Variants in INSYN2B observed in about 807,000 individuals in gnomAD.
INSYN2B encodes inhibitory synaptic factor family member 2B.
INSYN2B carries 16 observed loss-of-function variants against 41.2 expected under a neutral mutation model. The ratio of observed to expected loss-of-function variants is 0.39; its 90% CI spans 0.26 to 0.59. The LOEUF (loss-of-function observed/expected upper bound fraction) is 0.59. Among genes scored for constraint, INSYN2B ranks in the 20% least tolerant of loss-of-function variants. The probability of loss-of-function intolerance (pLI) is 0.57; values close to 1 mark genes in which losing one functional copy is unlikely to be tolerated. For synonymous variants in INSYN2B, 245 were observed against 244.4 expected, an observed-to-expected ratio of 1.00 and a Z score of -0.02; for missense variants, 608 against 646.4, an observed-to-expected ratio of 0.94 and a Z score of 0.64.
intron 1 of INSYN2B, among the ~76,000 whole-genome samples, chr5:169,910,443 A>T (rs1175671056): frequency 7.9e-5 from 12 of 152,096 alleles, no homozygotes; most frequent in African/African-American, 1.7e-4. Flanking sequence ...TTAACTTTTT[A>T]AAAAAAGATC....
chr5:169,956,081 G>C (rs944844151), intron 1 of INSYN2B, among the ~76,000 whole-genome samples: 1 of 151,914 alleles, frequency 6.6e-6, no homozygotes, highest in Non-Finnish European at 1.5e-5. Flanking sequence ...CTGGAGTCTG[G>C]GTTATCTTCC....
At position 169,863,951 on chromosome 5, in the gene INSYN2B, G is replaced by T. The variant is rs1771368721; in HGVS notation, c.*322C>A. ...GCTTGGCATCTTGGAGGTGTTGGAAGGTGTAGTGTGGGGTTTTGCTCGTGG... is the reference window on the plus strand; with the variant it reads ...GCTTGGCATCTTGGAGGTGTTGGAATGTGTAGTGTGGGGTTTTGCTCGTGG... On this transcript the variant is annotated 3_prime_UTR_variant, in exon 4 of 4. Coordinates refer to ENST00000377365, the MANE Select transcript of INSYN2B (RefSeq NM_001129891.3). Among the ~76,000 whole-genome samples, 2 of 152,190 alleles carry T rather than the reference G, an allele frequency of 1.3e-5. No homozygotes were observed. The highest frequency in any genetic ancestry group is 4.8e-5 in the African/African-American group (2 of 41,454).
intron 1 of INSYN2B, among the ~76,000 whole-genome samples, chr5:169,896,663 A>G (rs535251990): frequency 1.6e-4 from 24 of 151,960 alleles, no homozygotes; most frequent in African/African-American, 5.1e-4. Flanking sequence ...CAGTATCATC[A>G]TTATTATTAT....
intron 1 of INSYN2B, among the ~76,000 whole-genome samples, chr5:169,976,510 AT>A (rs1325043605): frequency 3.3e-5 from 5 of 152,002 alleles, no homozygotes; most frequent in Non-Finnish European, 7.4e-5. Context: ...AATGAATGGA[AT>A]TTTCTTTCCT....
intron 1 of INSYN2B, among the ~76,000 whole-genome samples, chr5:169,897,464 C>T (rs1773677995): frequency 6.6e-6 from 1 of 152,064 alleles, no homozygotes; most frequent in Non-Finnish European, 1.5e-5. Flanking sequence ...GCTAGGATTA[C>T]AAGTGTGAGC....
intron 1 of INSYN2B, among the ~76,000 whole-genome samples, chr5:169,966,150 C>A (rs1351011994): frequency 1.3e-5 from 2 of 152,160 alleles, no homozygotes; most frequent in East Asian, 3.9e-4. Flanking sequence ...AATATATAAT[C>A]CCATTATGGT....
rs561059508 is a variant in INSYN2B at position 169,912,300 on chromosome 5, T to A, written c.-918-27484A>T. Among the ~76,000 whole-genome samples, 8 of 152,228 alleles carry A rather than the reference T, an allele frequency of 5.3e-5. No individual in the cohort carries two copies. The South Asian group carries it at 1.7e-3, about 32-fold the overall frequency. ...ATGTCAAACTCCTGAGCCCAAGCCG[T>A]TATTTATGTTTGATTTACAAGTGTA... On this transcript the variant is annotated intron_variant, in intron 1 of 3. Transcript: ENST00000377365.
At chr5:169,973,390 G>T (rs13165483) in intron 1 of INSYN2B, among the ~76,000 whole-genome samples, 3,899 of 152,252 alleles carry the variant, frequency 0.026, 78 homozygotes, top group South Asian at 0.048. Context: ...TGGAACTGAG[G>T]CTGAGCATTG....
intron 3 of INSYN2B, among the ~76,000 whole-genome samples, chr5:169,870,567 G>T (rs261023): frequency 0.79 from 120,547 of 151,930 alleles, 48,685 homozygotes; most frequent in African/African-American, 0.93. Context: ...AGATCTGTGG[G>T]TTTTTTTCTT....
intron 3 of INSYN2B, among the ~76,000 whole-genome samples, chr5:169,876,447 G>A (rs554091450): frequency 6.6e-6 from 1 of 152,358 alleles, no homozygotes; most frequent in East Asian, 1.9e-4. Context: ...AGAGAAGGGA[G>A]ATATTTTCAC....
intron 1 of INSYN2B, among the ~76,000 whole-genome samples, chr5:169,948,001 ATTCCTCTCAGGCCT>A (rs1412050026): frequency 6.6e-6 from 1 of 152,120 alleles, no homozygotes; most frequent in African/African-American, 2.4e-5. Context: ...TGTCATTCTT[ATTCCTCTCAGGCCT>A]TTCCTCTGGG....
intron 1 of INSYN2B, among the ~76,000 whole-genome samples, chr5:169,952,682 C>T (rs1272184025): frequency 2.6e-5 from 4 of 152,114 alleles, no homozygotes; most frequent in African/African-American, 9.7e-5. Context: ...TTCCTAATCC[C>T]GTGGATATCA....
Position 169,941,298 on chromosome 5 carries a change from C to T in INSYN2B, c.-919+38979G>A, listed in dbSNP as rs187464577. Among the ~76,000 whole-genome samples, 4 of 152,294 alleles carry T rather than the reference C, an allele frequency of 2.6e-5. No individual in the cohort carries two copies. The East Asian group carries it at 5.8e-4, about 22-fold the overall frequency. On this transcript the variant is annotated intron_variant, in intron 1 of 3. Transcript: ENST00000377365. ...TCTCGGCTCACTACAACCTCTGCCT[C>T]CTGGGTTCAAGCAATTCTCCTGTCT...
At chr5:169,918,947 C>A in intron 1 of INSYN2B, among the ~76,000 whole-genome samples, 1 of 151,746 alleles carries the variant, frequency 6.6e-6, no homozygotes, top group Admixed American at 6.6e-5. Context: ...ATTTTAGGGG[C>A]CAGATATATG....
chr5:169,874,552 C>T (rs968083933), intron 3 of INSYN2B, among the ~76,000 whole-genome samples: 12 of 152,098 alleles, frequency 7.9e-5, no homozygotes, highest in Non-Finnish European at 1.2e-4. Context: ...TGACCATACC[C>T]CTATCCTGAA....
chr5:169,901,425 G>A lies in INSYN2B; in HGVS notation c.-918-16609C>T, dbSNP rs1773916699. On this transcript the variant is annotated intron_variant, in intron 1 of 3. Transcript: ENST00000377365. The stretch of plus-strand genomic sequence containing the variant: ...TTCAAGAGGTTTACGAAGGGTGTGT[G>A]TGTGTGTGGGCATGCATGCGTGCAT... Among the ~76,000 whole-genome samples the A allele has an allele frequency of 2.6e-5, 4 of 152,158 alleles. No homozygotes were observed. In the South Asian group the frequency reaches 8.3e-4, roughly 32 times the overall value.
chr5:169,908,109 T>C (rs1015349138), intron 1 of INSYN2B, among the ~76,000 whole-genome samples: 6 of 152,196 alleles, frequency 3.9e-5, no homozygotes, highest in Non-Finnish European at 7.3e-5. Context: ...GAAAGCCCAA[T>C]GTATTCTGCA....
chr5:169,918,423 G>A (rs749872133), intron 1 of INSYN2B, among the ~76,000 whole-genome samples: 50 of 152,064 alleles, frequency 3.3e-4, no homozygotes, highest in Non-Finnish European at 6.3e-4. Context: ...TCACAACATA[G>A]GAAACCACAT....
At chr5:169,949,376 A>G (rs1454167211) in intron 1 of INSYN2B, among the ~76,000 whole-genome samples, 1 of 152,190 alleles carries the variant, frequency 6.6e-6, no homozygotes, top group African/African-American at 2.4e-5. Flanking sequence ...GAGAGATCCC[A>G]TTCCATGTTC....
Sources: gnomAD v4.1 joint callset for allele counts (sites outside exome capture counted in the v4.1 genomes callset) on GRCh38, gnomAD v4.1.1 for gene constraint, MANE v1.5 for transcripts, NCBI Gene and HGNC (gene_info 2026-07-23, HGNC 2026-07-21) for gene names.